Variants in TMEM74 observed in about 807,000 individuals in gnomAD.
The protein encoded by TMEM74 is transmembrane protein 74.
TMEM74 carries 13 observed loss-of-function variants against 18.1 expected under a neutral mutation model. The observed-to-expected ratio is 0.72, with a 90% CI of 0.47 to 1.14. The LOEUF is 1.14. Among genes scored for constraint, TMEM74 ranks in the 50% most tolerant of loss-of-function variants. The pLI, the probability that TMEM74 is intolerant of heterozygous loss-of-function variation, is 0.00. For synonymous variants in TMEM74, 159 were observed against 146.6 expected (o/e 1.08, Z -0.61); for missense variants, 372 against 375.9 (o/e 0.99, Z 0.09).
chr8:108,786,998 T>C (rs1471134003), intron 1 of TMEM74, among the ~76,000 whole-genome samples: 1 of 152,162 alleles, frequency 6.6e-6, no homozygotes, highest in Non-Finnish European at 1.5e-5. Context: ...GGGTTTCCAT[T>C]CTCAGTGGAG....
intron 2 of TMEM74, among the ~76,000 whole-genome samples, chr8:108,649,249 A>G (rs1419091304): frequency 6.6e-6 from 1 of 152,170 alleles, no homozygotes; most frequent in Non-Finnish European, 1.5e-5. Flanking sequence ...TGGGATAATA[A>G]TAGTACTTAG....
intron 1 of TMEM74, among the ~76,000 whole-genome samples, chr8:108,680,432 T>C (rs1813100833): frequency 6.6e-6 from 1 of 151,954 alleles, no homozygotes; most frequent in Admixed American, 6.6e-5. Flanking sequence ...ATTATCTCAA[T>C]AGATGCAGAA....
intron 1 of TMEM74, among the ~76,000 whole-genome samples, chr8:108,723,617 T>C (rs947945679): frequency 1.3e-5 from 2 of 152,096 alleles, no homozygotes; most frequent in Non-Finnish European, 2.9e-5. Flanking sequence ...CAAGTCCAAA[T>C]AGAAGGGAGT....
intron 1 of TMEM74, among the ~76,000 whole-genome samples, chr8:108,669,165 C>T (rs913925780): frequency 1.3e-5 from 2 of 152,058 alleles, no homozygotes; most frequent in South Asian, 4.1e-4. Context: ...ATAGATCTCT[C>T]TCGTTTTTCA....
intron 1 of TMEM74, among the ~76,000 whole-genome samples, chr8:108,757,136 A>G (rs1399888366): frequency 6.6e-6 from 1 of 152,138 alleles, no homozygotes; most frequent in Non-Finnish European, 1.5e-5. Flanking sequence ...CTGTTCTTAC[A>G]GTTCCTAATT....
chr8:108,730,436 A>T (rs1288665133), intron 1 of TMEM74, among the ~76,000 whole-genome samples: 1 of 152,176 alleles, frequency 6.6e-6, no homozygotes, highest in Non-Finnish European at 1.5e-5. Context: ...CACAATCAAG[A>T]CAACTGTCTA....
chr8:108,645,118 G>A (rs1812703639), intron 2 of TMEM74, among the ~76,000 whole-genome samples: 1 of 152,048 alleles, frequency 6.6e-6, no homozygotes, highest in African/African-American at 2.4e-5. Flanking sequence ...GCCCATCAAT[G>A]GTAGATTGGA....
chr8:108,691,381 C>T (rs749327059), intron 1 of TMEM74, among the ~76,000 whole-genome samples: 10 of 152,142 alleles, frequency 6.6e-5, no homozygotes, highest in Non-Finnish European at 1.0e-4. Context: ...CTGAAGTGCC[C>T]AGAACATGTG....
chr8:108,620,049 G>A (rs1310838185), intron 2 of TMEM74, among the ~76,000 whole-genome samples: 2 of 152,100 alleles, frequency 1.3e-5, no homozygotes, highest in Non-Finnish European at 2.9e-5. Flanking sequence ...ATTTGTCATA[G>A]AGGTAGGGGT....
At chr8:108,680,718 G>T (rs1055330663) in intron 1 of TMEM74, among the ~76,000 whole-genome samples, 1 of 152,198 alleles carries the variant, frequency 6.6e-6, no homozygotes, top group African/African-American at 2.4e-5. Flanking sequence ...AAAAGAGGAA[G>T]TCAAATTGTC....
intron 1 of TMEM74, among the ~76,000 whole-genome samples, chr8:108,702,026 A>T (rs1010830600): frequency 3.3e-5 from 5 of 152,122 alleles, no homozygotes; most frequent in African/African-American, 1.2e-4. Context: ...AGTAATCAAG[A>T]TCATATGGTT....
chr8:108,643,061 G>A (rs1005531755), intron 2 of TMEM74, among the ~76,000 whole-genome samples: 1 of 152,126 alleles, frequency 6.6e-6, no homozygotes, highest in African/African-American at 2.4e-5. Context: ...AGACTGGCAT[G>A]GCTCCTGCTG....
At chr8:108,706,897 AG>A (rs1388140065) in intron 1 of TMEM74, among the ~76,000 whole-genome samples, 1 of 152,074 alleles carries the variant, frequency 6.6e-6, no homozygotes, top group African/African-American at 2.4e-5. Context: ...AAAAAGTCAC[AG>A]GGGCAGTAGA....
At chr8:108,627,567 C>T (rs926604476) in intron 2 of TMEM74, among the ~76,000 whole-genome samples, 39 of 152,128 alleles carry the variant, frequency 2.6e-4, no homozygotes, top group Admixed American at 3.9e-4. Context: ...TTAACCATTA[C>T]TCTTATTTCT....
At chr8:108,772,114 G>C (rs906682369) in intron 1 of TMEM74, among the ~76,000 whole-genome samples, 1 of 152,008 alleles carries the variant, frequency 6.6e-6, no homozygotes, top group Non-Finnish European at 1.5e-5. Context: ...GTGTATATTA[G>C]CTACTGTAAA....
chr8:108,688,234 G>C (rs1294896504), intron 1 of TMEM74, among the ~76,000 whole-genome samples: 2 of 152,144 alleles, frequency 1.3e-5, no homozygotes, highest in African/African-American at 4.8e-5. Context: ...AAGTCAATTT[G>C]ACATTATCTT....
chr8:108,768,598 C>A (rs1162920734), intron 1 of TMEM74, among the ~76,000 whole-genome samples: 1 of 152,160 alleles, frequency 6.6e-6, no homozygotes, highest in Non-Finnish European at 1.5e-5. Context: ...TGTAGACTTT[C>A]ACACCCGCGT....
At position 108,714,648 on chromosome 8, in the gene TMEM74, C is replaced by T. The variant is rs540063960; in HGVS notation, n.120-59211G>A. Among the ~76,000 whole-genome samples the T allele has an allele frequency of 3.3e-5, 5 of 152,272 alleles. No homozygotes were observed. The South Asian group carries it at 1.0e-3, about 32-fold the overall frequency. On this transcript the variant is annotated intron_variant and non_coding_transcript_variant, in intron 1 of 3. Transcript: ENST00000518838. The stretch of plus-strand genomic sequence containing the variant: ...AGATTTCTTAAAGAACTCAGAACTA[C>T]CAGTTGAACCAATAATCCCATTACT...
intron 1 of TMEM74, among the ~76,000 whole-genome samples, chr8:108,766,720 A>C (rs969182188): frequency 6.6e-6 from 1 of 152,198 alleles, no homozygotes; most frequent in Admixed American, 6.5e-5. Flanking sequence ...GGCTGTCTGC[A>C]AGTTGAGGTG....
Sources: gnomAD v4.1 joint callset for allele counts (sites outside exome capture counted in the v4.1 genomes callset) on GRCh38, gnomAD v4.1.1 for gene constraint, MANE v1.5 for transcripts, NCBI Gene and HGNC (gene_info 2026-07-23, HGNC 2026-07-21) for gene names.